Variants in SHOX observed in about 807,000 individuals in gnomAD.
The protein encoded by SHOX is SHOX homeobox, also known as short stature homeobox protein.
SHOX carries 12 observed loss-of-function variants against 29.6 expected under a neutral mutation model. That is an observed-to-expected ratio of 0.41 (90% CI 0.26 to 0.66). The LOEUF (loss-of-function observed/expected upper bound fraction) is 0.66. SHOX is among the 30% of genes least tolerant of loss of function. The pLI is 0.35. For synonymous variants in SHOX, 214 were observed against 200.6 expected, an observed-to-expected ratio of 1.07 and a Z score of -0.57; for missense variants, 499 against 437.7, an observed-to-expected ratio of 1.14 and a Z score of -1.25.
chrX:633,525 A>G (rs965905228), intron 1 of SHOX, among the ~76,000 whole-genome samples: 9 of 151,310 alleles, frequency 5.9e-5, no homozygotes, highest in Non-Finnish European at 8.9e-5. Context: ...AGGAAGAAAG[A>G]CAGAACAGGG....
At position 651,232 on chromosome X, in the gene SHOX, C is replaced by G. The variant is rs1273411609; in HGVS notation, c.*6596C>G. Reference sequence around the variant, plus strand: ...CTGTTGCTTTTTCTTTTTCCCTCCCCCATTGACGACATAGCGGCCCCCGCG... The same window carrying G: ...CTGTTGCTTTTTCTTTTTCCCTCCCGCATTGACGACATAGCGGCCCCCGCG... On this transcript the variant is annotated 3_prime_UTR_variant, in exon 5 of 5. Coordinates refer to ENST00000686671, the MANE Select transcript of SHOX (RefSeq NM_000451.4). The G allele has an allele frequency of 2.3e-6, 1 of 442,576 alleles. No individual in the cohort carries two copies. Among genetic ancestry groups the G allele is most frequent in the East Asian group, 7.1e-5 (1 of 14,168 alleles). 27.4% of individuals were successfully genotyped at this position (442,576 alleles called of 1,614,324 possible). A position where few individuals can be genotyped will look rare whatever the true frequency, so the allele number is the denominator to read the frequency against.
At chrX:636,728 TATATATATAAAC>T (rs2052763940) in intron 2 of SHOX, among the ~76,000 whole-genome samples, 1 of 46,144 alleles carries the variant, frequency 2.2e-5, no homozygotes, top group Non-Finnish European at 3.5e-5. Context: ...ATACATAAAA[TATATATATAAAC>T]ATATATATAC....
At chrX:642,873 GT>G (rs2052881402) in intron 4 of SHOX, among the ~76,000 whole-genome samples, 1 of 151,658 alleles carries the variant, frequency 6.6e-6, no homozygotes, top group African/African-American at 2.4e-5. Flanking sequence ...TTGGAGATCT[GT>G]TGTCCTGGGA....
downstream of SHOX, among the ~76,000 whole-genome samples, chrX:655,638 A>C (rs866331229): frequency 3.1e-4 from 33 of 108,022 alleles, no homozygotes; most frequent in South Asian, 1.1e-3. Flanking sequence ...ATATATATAT[A>C]TATATATATA....
At position 634,799 on chromosome X, in the gene SHOX, C is replaced by T. The variant is rs2052714434; in HGVS notation, c.459C>T (p.Arg153=). The T allele has an allele frequency of 2.5e-6, 4 of 1,590,062 alleles. No individual in the cohort carries two copies. Among genetic ancestry groups the T allele is most frequent in the Admixed American group, 3.6e-5 (2 of 55,474 alleles). The change falls in exon 2 of 5, where the codon CGC becomes CGT. Residue 153 remains arginine, a synonymous_variant. Coordinates refer to ENST00000686671, the MANE Select transcript of SHOX (RefSeq NM_000451.4). ...TCATGCGCGAGGAGCTCAGCCAGCGCCTGGGGCTCTCCGAGGCGCGCGTGC... is the reference window on the plus strand; with the variant it reads ...TCATGCGCGAGGAGCTCAGCCAGCGTCTGGGGCTCTCCGAGGCGCGCGTGC... The part of the protein sequence containing the change: ...DAFMREELSQ[R]LGLSEARVQV...
In SHOX at chrX:651,410, CAGAAA is replaced by C. The variant is rs2053061127; in HGVS notation, c.*6776_*6780del. The C allele has an allele frequency of 2.4e-6, 1 of 410,336 alleles. No homozygotes were observed. The highest frequency in any genetic ancestry group is 4.8e-6 in the Non-Finnish European group (1 of 208,996). 25.4% of individuals were successfully genotyped at this position (410,336 alleles called of 1,614,324 possible). A position where few individuals can be genotyped will look rare whatever the true frequency, so the allele number is the denominator to read the frequency against. ...GGTAGAAAAAAAACAAACAAACAAA[CAGAAA>C]AAAAAACCAAAAAAAACCACCCTGA... On this transcript the variant is annotated 3_prime_UTR_variant, in exon 5 of 5. Transcript: ENST00000686671.
At chrX:654,480 A>T (rs1311252629), downstream of SHOX, among the ~76,000 whole-genome samples, 1 of 152,206 alleles carries the variant, frequency 6.6e-6, no homozygotes, top group Non-Finnish European at 1.5e-5. Context: ...CTGAGAAGAC[A>T]GTATAATAAA....
intron 1 of SHOX, among the ~76,000 whole-genome samples, chrX:634,397 CTGAGA>C (rs2052704397): frequency 6.6e-6 from 1 of 152,166 alleles, no homozygotes; most frequent in Non-Finnish European, 1.5e-5. Context: ...GGAAACGATT[CTGAGA>C]TGAGGCCAAG....
intron 1 of SHOX, among the ~76,000 whole-genome samples, chrX:632,519 C>G (rs2052668775): frequency 6.6e-6 from 1 of 152,100 alleles, no homozygotes; most frequent in Non-Finnish European, 1.5e-5. Context: ...GGTGAATGCC[C>G]CAAAGGTAAT....
At chrX:655,557 A>AGT (rs1373743483), downstream of SHOX, among the ~76,000 whole-genome samples, 81 of 108,040 alleles carry the variant, frequency 7.5e-4, no homozygotes, top group African/African-American at 3.0e-3. Context: ...AGCAAAAAGG[A>AGT]CTCTCTCTCT....
intron 1 of SHOX, among the ~76,000 whole-genome samples, chrX:625,651 TTC>T (rs1406695519): frequency 1.4e-5 from 2 of 147,526 alleles, no homozygotes; most frequent in Non-Finnish European, 3.0e-5. Flanking sequence ...CTGTCTCTCT[TTC>T]TCTCTGTCTT....
At chrX:642,171 C>A (rs1478319279) in intron 4 of SHOX, among the ~76,000 whole-genome samples, 3 of 152,164 alleles carry the variant, frequency 2.0e-5, no homozygotes, top group African/African-American at 7.2e-5. Context: ...TGAAGGGTCA[C>A]AGGAGGAGAG....
downstream of SHOX, among the ~76,000 whole-genome samples, chrX:652,339 A>ATTTT (rs1220969889): frequency 2.0e-3 from 175 of 87,136 alleles, no homozygotes; most frequent in African/African-American, 6.8e-3. Flanking sequence ...AAAAATGACA[A>ATTTT]ATTTTTTTTT....
chrX:641,008 T>G lies in SHOX; in HGVS notation c.554T>G (p.Leu185Trp). 6.2e-7 allele frequency: 1 copy of G among 1,613,868 alleles called. No homozygotes were observed. The highest frequency in any genetic ancestry group is 1.3e-5 in the African/African-American group (1 of 75,038). ...QENQMHKGVI[L>W]GTANHLDACR... ...CTCCCTTTGGACACAGGCGTCATCT[T>G]GGGCACAGCCAACCACCTAGACGCC... The change falls in exon 4 of 5, where the codon TTG (leucine) becomes TGG (tryptophan). Residue 185 changes from leucine to tryptophan, a missense_variant. Leu to Trp is a moderately conservative substitution (Grantham distance 61, BLOSUM62 -2). Coordinates refer to ENST00000686671, the MANE Select transcript of SHOX (RefSeq NM_000451.4).
At position 646,990 on chromosome X, in the gene SHOX, C is replaced by T. The variant is rs994029596; in HGVS notation, c.*2354C>T. The stretch of plus-strand genomic sequence containing the variant: ...AAAAGGCTGAGTAATTTTGAAAAAT[C>T]GAAACATAACAGTGTGTCATCATTT... On this transcript the variant is annotated 3_prime_UTR_variant, in exon 5 of 5. Coordinates refer to ENST00000686671, the MANE Select transcript of SHOX (RefSeq NM_000451.4). 3.3e-5 allele frequency among the ~76,000 whole-genome samples: 5 copies of T among 151,204 alleles called. No individual in the cohort carries two copies. The highest frequency in any genetic ancestry group is 4.9e-5 in the African/African-American group (2 of 41,102).
At chrX:656,236 G>C (rs1344582533), downstream of SHOX, among the ~76,000 whole-genome samples, 1 of 151,988 alleles carries the variant, frequency 6.6e-6, no homozygotes, top group Non-Finnish European at 1.5e-5. Context: ...GAGCCCAGGA[G>C]TTCGAGACCA....
Position 644,772 on chromosome X carries a change from G to A in SHOX, c.*136G>A. The A allele has an allele frequency of 8.4e-7, 1 of 1,184,218 alleles. No individual in the cohort carries two copies. The highest frequency in any genetic ancestry group is 1.1e-6 in the Non-Finnish European group (1 of 912,502). 73.4% of individuals were successfully genotyped at this position (1,184,218 alleles called of 1,614,324 possible). On this transcript the variant is annotated 3_prime_UTR_variant, in exon 5 of 5. Transcript: ENST00000686671. The stretch of plus-strand genomic sequence containing the variant: ...CCGGGCACCCCGGGAGCTCCTGCAA[G>A]AGGCCTGAGGAGGGAGGCTCCCGGG...
intron 2 of SHOX, 81 bp downstream of exon 2, chrX:634,907 G>GTA: frequency 7.0e-7 from 1 of 1,427,576 alleles, no homozygotes. Context: ...ACAGCCACCT[G>GTA]CGCCCGGGCC....
At chrX:631,420 C>G (rs2052646516) in intron 1 of SHOX, among the ~76,000 whole-genome samples, 1 of 152,194 alleles carries the variant, frequency 6.6e-6, no homozygotes, top group Admixed American at 6.5e-5. Flanking sequence ...GGGCCGCGCG[C>G]GTGGGCACCG....
Sources: allele counts gnomAD v4.1 joint callset (sites outside exome capture counted in the v4.1 genomes callset), GRCh38; gene constraint gnomAD v4.1.1; transcripts MANE v1.5; gene names NCBI Gene and HGNC (gene_info 2026-07-23, HGNC 2026-07-21).